The following DTX4 variants were observed in gnomAD, a reference collection of about 807,000 sequenced individuals.
The protein encoded by DTX4 is E3 ubiquitin-protein ligase DTX4.
A neutral mutation model predicts 57.6 loss-of-function variants in DTX4; 28 were observed. The ratio of observed to expected loss-of-function variants is 0.49; its 90% CI spans 0.36 to 0.67. The LOEUF is 0.67. DTX4 is among the 30% of genes least tolerant of loss of function. The probability of loss-of-function intolerance (pLI) is 0.00; values close to 1 mark genes in which losing one functional copy is unlikely to be tolerated. For missense variants in DTX4, 715 were observed against 836.8 expected (o/e 0.85, Z 1.80); for synonymous variants, 316 against 331.0 (o/e 0.95, Z 0.49).
rs1386126542 is a variant in DTX4, at chr11:59,172,720, G to A, written c.125G>A (p.Gly42Asp). The A allele has an allele frequency of 3.1e-6, 5 of 1,603,714 alleles. No individual in the cohort carries two copies. The highest frequency in any genetic ancestry group is 2.3e-5 in the East Asian group (1 of 44,430). The change falls in exon 1 of 9, where the codon GGC (glycine) becomes GAC (aspartate). Residue 42 changes from glycine to aspartate, a missense_variant. Coordinates refer to ENST00000227451, the MANE Select transcript of DTX4 (RefSeq NM_015177.2). Reference sequence around the variant, plus strand: ...GTCCGCGCCGGCCCCCGCGCGGGGGGCAGCGTGGTGCTGGGCCAGGTGGAC... The same window carrying A: ...GTCCGCGCCGGCCCCCGCGCGGGGGACAGCGTGGTGCTGGGCCAGGTGGAC... ...AVVRAGPRAG[G>D]SVVLGQVDSR... is the part of the protein sequence containing the mutation.
At position 59,198,321 on chromosome 11, in the gene DTX4, C is replaced by T. The variant is rs939016086; in HGVS notation, c.1537-1363C>T. ...GGAGCAGTCAGAGCCGTGGTTAGAA[C>T]TGGCCTTTCAGTCAGGCAACTTGAT... On this transcript the variant is annotated intron_variant, in intron 7 of 8. Transcript: ENST00000227451. Among the ~76,000 whole-genome samples, 3 of 152,334 alleles carry T rather than the reference C, an allele frequency of 2.0e-5. No homozygotes were observed. In the South Asian group the frequency reaches 6.2e-4, roughly 32 times the overall value.
chr11:59,182,339 T>A lies in DTX4; in HGVS notation c.812T>A (p.Met271Lys). Residue 271 changes from methionine (M) to lysine (K), a missense_variant, in exon 2 of 9, where the codon ATG (methionine) becomes AAG (lysine). Physicochemically the swap from Met to Lys is moderately conservative, Grantham distance 95. Transcript: ENST00000227451. ...QASSMPTGTT[M>K]GSPASPPGPN... ...TCCAGCATGCCCACTGGGACAACCA[T>A]GGGCTCTCCTGCCAGTCCCCCAGGA... is the stretch of plus-strand genomic sequence containing the variant. 1 of 1,612,874 alleles carries A rather than the reference T, an allele frequency of 6.2e-7. No homozygotes were observed. Among genetic ancestry groups the A allele is most frequent in the Non-Finnish European group, 8.5e-7 (1 of 1,179,778 alleles).
chr11:59,204,490 A>T (rs1045971560), intron 8 of DTX4, among the ~76,000 whole-genome samples, 186 bp from the exon 9 acceptor site: 1 of 152,198 alleles, frequency 6.6e-6, no homozygotes, highest in Non-Finnish European at 1.5e-5. Context: ...TTATTCAGTG[A>T]CAGAGCCAGG....
At chr11:59,191,766 C>T (rs1862601891) in intron 5 of DTX4, among the ~76,000 whole-genome samples, 1 of 152,174 alleles carries the variant, frequency 6.6e-6, no homozygotes, top group African/African-American at 2.4e-5. Flanking sequence ...AAAAATTCAC[C>T]TTAAGTAAAG....
At chr11:59,173,091 A>T (rs1862348755) in intron 1 of DTX4, among the ~76,000 whole-genome samples, 1 of 152,084 alleles carries the variant, frequency 6.6e-6, no homozygotes, top group African/African-American at 2.4e-5. Flanking sequence ...CCCGCTTTTC[A>T]GCAGTTGGTG....
intron 1 of DTX4, among the ~76,000 whole-genome samples, chr11:59,174,292 G>A (rs932728978): frequency 6.6e-6 from 1 of 152,016 alleles, no homozygotes; most frequent in African/African-American, 2.4e-5. Context: ...GGAATGTGGG[G>A]AGATTGAGAA....
chr11:59,203,597 C>T (rs1279106358), intron 8 of DTX4, among the ~76,000 whole-genome samples: 4 of 152,110 alleles, frequency 2.6e-5, no homozygotes, highest in Non-Finnish European at 5.9e-5. Flanking sequence ...GAAGAAACTG[C>T]CTGAGGCTGT....
chr11:59,207,211 A>G lies in DTX4; in HGVS notation c.*2302A>G, dbSNP rs937423189. 1.3e-5 allele frequency: 2 copies of G among 152,308 alleles called. No homozygotes were observed. Among genetic ancestry groups the G allele is most frequent in the African/African-American group, 4.8e-5 (2 of 41,432 alleles). The allele number at this position is 152,308 out of a possible 1,614,324, so 9.4% of individuals were successfully genotyped here. ...AAAGAAGACAGACTTTCAAAATGGAATTAGGCACTGGGGAGAGATCAGTTT... is the reference window on the plus strand; with the variant it reads ...AAAGAAGACAGACTTTCAAAATGGAGTTAGGCACTGGGGAGAGATCAGTTT... On this transcript the variant is annotated 3_prime_UTR_variant, in exon 9 of 9. Transcript: ENST00000227451.
At chr11:59,202,196 C>A (rs1185047930) in intron 8 of DTX4, among the ~76,000 whole-genome samples, 3 of 152,246 alleles carry the variant, frequency 2.0e-5, no homozygotes, top group Admixed American at 2.0e-4. Context: ...ACACCAATTT[C>A]TCATCCTTAT....
intron 2 of DTX4, among the ~76,000 whole-genome samples, chr11:59,186,494 C>T (rs1301879048): frequency 2.6e-5 from 4 of 152,054 alleles, no homozygotes; most frequent in Non-Finnish European, 5.9e-5. Flanking sequence ...CACAGGAAGC[C>T]GGGTCTTTTC....
chr11:59,175,988 G>C (rs1862391196), intron 1 of DTX4, among the ~76,000 whole-genome samples: 2 of 152,036 alleles, frequency 1.3e-5, no homozygotes, highest in African/African-American at 4.8e-5. Flanking sequence ...CAGGTGAATG[G>C]GTTGGCCCCT....
At chr11:59,203,228 C>G (rs562735650) in intron 8 of DTX4, among the ~76,000 whole-genome samples, 3 of 152,314 alleles carry the variant, frequency 2.0e-5, no homozygotes, top group African/African-American at 7.2e-5. Context: ...CATAAACTAA[C>G]CTTAGCTTAT....
rs1460469462 is a variant in DTX4 at position 59,181,955 on chromosome 11, T to A, written c.428T>A (p.Ile143Asn). Residue 143 changes from isoleucine to asparagine, a missense_variant, in exon 2 of 9, where the codon ATC becomes AAC. Transcript: ENST00000227451. ...ATTGACTTCAACACCATGGGCCAGA[T>A]CAACCGTCAGACCCAGCGCCAACGC... Reference protein sequence around the residue: ...YVIDFNTMGQINRQTQRQRRV... With the variant: ...YVIDFNTMGQNNRQTQRQRRV... 3.1e-6 allele frequency: 5 copies of A among 1,613,970 alleles called. No homozygotes were observed. The highest frequency in any genetic ancestry group is 2.2e-5 in the East Asian group (1 of 44,878).
chr11:59,195,282 G>A lies in DTX4; in HGVS notation c.1449G>A (p.Met483Ile). Residue 483 changes from methionine to isoleucine, a missense_variant, in exon 7 of 9, where the codon ATG becomes ATA. Coordinates refer to ENST00000227451, the MANE Select transcript of DTX4 (RefSeq NM_015177.2). ...VKTGTQPPGKMEYHLIPHSLP... is the reference protein window; with the variant it reads ...VKTGTQPPGKIEYHLIPHSLP... ...CAGGCACCCAACCTCCAGGGAAGAT[G>A]GAGTACCACCTCATCCCCCACTCCT... 1 of 1,613,956 alleles carries A rather than the reference G, an allele frequency of 6.2e-7. No individual in the cohort carries two copies. The highest frequency in any genetic ancestry group is 8.5e-7 in the Non-Finnish European group (1 of 1,179,878).
At position 59,199,758 on chromosome 11, in the gene DTX4, C is replaced by T. The variant is rs528985458; in HGVS notation, c.1611C>T (p.Ser537=). 71 of 1,564,210 alleles carry T rather than the reference C, an allele frequency of 4.5e-5. No homozygotes were observed. The highest frequency in any genetic ancestry group is 5.5e-5 in the Non-Finnish European group (63 of 1,154,030). The change falls in exon 8 of 9, where the codon AGC becomes AGT. Residue 537 remains serine (S), a synonymous_variant. Transcript: ENST00000227451. The part of the protein sequence containing the change: ...GFPRHCYLPD[S]EKGRKVLKLL... ...CACGACACTGTTACCTTCCGGACAG[C>T]GAGAAAGGGAGAAAAGTAAGACCGG...
intron 8 of DTX4, among the ~76,000 whole-genome samples, chr11:59,200,881 G>T (rs1001346640): frequency 1.3e-5 from 2 of 152,156 alleles, no homozygotes; most frequent in African/African-American, 4.8e-5. Flanking sequence ...CCAAATTTCC[G>T]CTGCTTACTT....
At chr11:59,171,928 C>A (rs983555412), upstream of DTX4, among the ~76,000 whole-genome samples, 7 of 152,074 alleles carry the variant, frequency 4.6e-5, no homozygotes, top group African/African-American at 1.4e-4. Context: ...CGTGTCATGG[C>A]GGGTCGCTTC....
rs770770747 is a variant in DTX4 at position 59,195,964 on chromosome 11, C to T, written c.1536+595C>T. Reference sequence around the variant, plus strand: ...TTTGATTTTGGTGGGCATTTCTTTCCTCTTTTGATTCTCTGAAAGACAGTC... The same window carrying T: ...TTTGATTTTGGTGGGCATTTCTTTCTTCTTTTGATTCTCTGAAAGACAGTC... On this transcript the variant is annotated intron_variant, in intron 7 of 8. Transcript: ENST00000227451. Among the ~76,000 whole-genome samples, 2 of 152,198 alleles carry T rather than the reference C, an allele frequency of 1.3e-5. 1 individual carries two copies. Among genetic ancestry groups the T allele is most frequent in the South Asian group, 4.1e-4 (2 of 4,828 alleles).
chr11:59,199,689 G>A lies in DTX4; in HGVS notation c.1542G>A (p.Pro514=), dbSNP rs182384440. 3.7e-3 allele frequency: 5,809 copies of A among 1,573,918 alleles called. 17 individuals carry two copies. Among genetic ancestry groups the A allele is most frequent in the Non-Finnish European group, 4.3e-3 (4,960 of 1,159,396 alleles). ...IYSIPPGIQG[P]EHPNPGKSFS... is the part of the protein sequence containing the mutation. Reference sequence around the variant, plus strand: ...TGCTTGCTTTCTGCTTTCAGGGACCGGAACACCCGAATCCTGGGAAGAGTT... The same window carrying A: ...TGCTTGCTTTCTGCTTTCAGGGACCAGAACACCCGAATCCTGGGAAGAGTT... Residue 514 remains proline, a synonymous_variant, in exon 8 of 9, where the codon CCG becomes CCA. Coordinates refer to ENST00000227451, the MANE Select transcript of DTX4 (RefSeq NM_015177.2).
Sources: allele counts gnomAD v4.1 joint callset (sites outside exome capture counted in the v4.1 genomes callset), GRCh38; gene constraint gnomAD v4.1.1; transcripts MANE v1.5; gene names NCBI Gene and HGNC (gene_info 2026-07-23, HGNC 2026-07-21).